XPA: variants seen among roughly 807,000 people sequenced by gnomAD.
XPA encodes DNA repair protein complementing XP-A cells.
Under a neutral mutation model 35.7 loss-of-function variants are expected in XPA, and 27 were observed. The observed-to-expected ratio is 0.76, with a 90% CI of 0.56 to 1.04. The LOEUF (loss-of-function observed/expected upper bound fraction) is 1.04, where lower values mean the gene tolerates loss of function less well. Ranked by LOEUF, XPA falls within the 50% of genes least tolerant of loss-of-function variation. The pLI, the probability that XPA is intolerant of heterozygous loss-of-function variation, is 0.00. For missense variants in XPA, 354 were observed against 342.7 expected (o/e 1.03, Z -0.26); for synonymous variants, 133 against 118.4 (o/e 1.12, Z -0.80).
At chr9:97,679,765 A>C (rs549636189) in intron 5 of XPA, among the ~76,000 whole-genome samples, 1 of 152,358 alleles carries the variant, frequency 6.6e-6, no homozygotes, top group East Asian at 1.9e-4. Context: ...GATAAAGGGT[A>C]CCTTTACAAT....
At chr9:97,667,595 A>C in the XPA span, among the ~76,000 whole-genome samples, 1 of 152,328 alleles carries the variant, frequency 6.6e-6, no homozygotes, top group African/African-American at 2.4e-5. Flanking sequence ...GAAGTTAAGT[A>C]ACATAGCTAG....
chr9:97,674,898 A>G, downstream of XPA: 1 of 495,894 alleles, frequency 2.0e-6, no homozygotes. Flanking sequence ...CCAAGAGTAC[A>G]GAAAACATGA....
At chr9:97,667,882 T>G in the XPA span, among the ~76,000 whole-genome samples, 1 of 152,188 alleles carries the variant, frequency 6.6e-6, no homozygotes, top group Non-Finnish European at 1.5e-5. Context: ...GTCTATCTAT[T>G]AGGTAGTAGT....
At chr9:97,669,427 A>AC in the XPA span, among the ~76,000 whole-genome samples, 6 of 152,330 alleles carry the variant, frequency 3.9e-5, no homozygotes, top group East Asian at 9.6e-4. Flanking sequence ...TCATGTTATT[A>AC]CCAGTCTGCC....
the XPA span, among the ~76,000 whole-genome samples, chr9:97,655,272 A>C: frequency 1.3e-5 from 2 of 151,990 alleles, no homozygotes; most frequent in African/African-American, 4.8e-5. Flanking sequence ...GTGCAGTGGG[A>C]TGAGCATAGC....
the XPA span, among the ~76,000 whole-genome samples, chr9:97,663,736 C>T: frequency 2.6e-5 from 4 of 151,904 alleles, no homozygotes; most frequent in East Asian, 5.9e-4. Flanking sequence ...CTGCCCACCT[C>T]GGCCTCCCAA....
At chr9:97,671,065 C>T (rs771153500), downstream of XPA, 4 of 1,509,706 alleles carry the variant, frequency 2.6e-6, no homozygotes, top group Admixed American at 3.4e-5. Context: ...GACCTAACTA[C>T]CCCCTTTTGT....
chr9:97,661,157 G>C, the XPA span: 1 of 1,517,852 alleles, frequency 6.6e-7, no homozygotes, highest in Admixed American at 1.9e-5. Flanking sequence ...TGCTCTTAAA[G>C]CAATATATCT....
chr9:97,658,521 C>T, the XPA span: 5 of 748,408 alleles, frequency 6.7e-6, no homozygotes, highest in Admixed American at 2.4e-5. Context: ...TTCCCTTTCA[C>T]TTCTTGGTTG....
At chr9:97,669,167 G>A in the XPA span, among the ~76,000 whole-genome samples, 1 of 151,694 alleles carries the variant, frequency 6.6e-6, no homozygotes, top group African/African-American at 2.4e-5. Flanking sequence ...TTTCTCTGCT[G>A]TTTACTTAGT....
At chr9:97,655,822 C>T in the XPA span, 3 of 1,487,632 alleles carry the variant, frequency 2.0e-6, no homozygotes, top group African/African-American at 4.2e-5. Context: ...ATGTTTAAAA[C>T]TGTAACATAA....
the XPA span, chr9:97,661,003 C>T: frequency 1.2e-6 from 2 of 1,612,674 alleles, no homozygotes; most frequent in Non-Finnish European, 1.7e-6. Context: ...AAAAGTAAGG[C>T]AACCAATGAT....
the XPA span, among the ~76,000 whole-genome samples, chr9:97,663,897 G>A: frequency 6.6e-6 from 1 of 151,880 alleles, no homozygotes; most frequent in African/African-American, 2.4e-5. Flanking sequence ...CTAATGATCA[G>A]GCCAGGCGTG....
intron 5 of XPA, among the ~76,000 whole-genome samples, chr9:97,684,704 AGAT>A (rs1276564848): frequency 6.6e-6 from 1 of 152,202 alleles, no homozygotes; most frequent in Non-Finnish European, 1.5e-5. Flanking sequence ...ATTCACTTTA[AGAT>A]GATGACGTAC....
Position 97,697,257 on chromosome 9 carries a change from C to A in XPA, c.36G>T (p.Ala12=), listed in dbSNP as rs113710532. Residue 12 remains alanine (A), a synonymous_variant, in exon 1 of 6, where the codon GCG becomes GCT. Transcript: ENST00000375128. ...GCAGCTCCGCGGGTTGCTCTAAAGC[C>A]GCCGCCTCCGGCAAAGCCCCGTCGG... ...AAADGALPEA[A]ALEQPAELPA... 3.3e-5 allele frequency: 52 copies of A among 1,599,690 alleles called. No individual in the cohort carries two copies. The African/African-American group carries it at 5.9e-4, about 18-fold the overall frequency.
At chr9:97,664,200 G>A in the XPA span, 15 of 533,498 alleles carry the variant, frequency 2.8e-5, no homozygotes, top group East Asian at 4.5e-4. Flanking sequence ...CTAATGGTCA[G>A]ATTGATCAAT....
the XPA span, chr9:97,668,888 G>A: frequency 1.9e-6 from 3 of 1,613,540 alleles, no homozygotes; most frequent in African/African-American, 2.7e-5. Context: ...GAAAGACGGG[G>A]TTCTTGAGGA....
the XPA span, chr9:97,666,815 G>A: frequency 6.2e-7 from 1 of 1,610,664 alleles, no homozygotes; most frequent in Non-Finnish European, 8.5e-7. Context: ...GAACAAACAT[G>A]TCCTGAAGAT....
chr9:97,659,765 G>T, the XPA span, among the ~76,000 whole-genome samples: 2 of 152,188 alleles, frequency 1.3e-5, no homozygotes, highest in Admixed American at 6.5e-5. Context: ...CTATCAGAAA[G>T]CTCAGGCTTT....
Sources: allele counts gnomAD v4.1 joint callset (sites outside exome capture counted in the v4.1 genomes callset), GRCh38; gene constraint gnomAD v4.1.1; transcripts MANE v1.5; gene names NCBI Gene and HGNC (gene_info 2026-07-23, HGNC 2026-07-21).